Variants in ARHGEF40 observed in about 807,000 individuals in gnomAD.
ARHGEF40 encodes Rho guanine nucleotide exchange factor (GEF) 40.
ARHGEF40 carries 98 observed loss-of-function variants against 165.9 expected under a neutral mutation model. The observed-to-expected ratio is 0.59, with a 90% CI of 0.50 to 0.70. The LOEUF (loss-of-function observed/expected upper bound fraction) is 0.70. Ranked by LOEUF, ARHGEF40 falls within the 30% of genes least tolerant of loss-of-function variation. ARHGEF40 has a pLI of 0.00. For missense variants in ARHGEF40, 1,815 were observed against 1,968.0 expected, an observed-to-expected ratio of 0.92 and a Z score of 1.47; for synonymous variants, 792 against 814.3, an observed-to-expected ratio of 0.97 and a Z score of 0.47.
chr14:21,079,821 G>A (rs1365154913), intron 11 of ARHGEF40, among the ~76,000 whole-genome samples: 1 of 152,086 alleles, frequency 6.6e-6, no homozygotes, highest in Non-Finnish European at 1.5e-5. Flanking sequence ...TTACCTGCTT[G>A]TTAGCTGTTT....
Position 21,073,541 on chromosome 14 carries a change from C to T in ARHGEF40, c.201+299C>T, listed in dbSNP as rs1411907227. On this transcript the variant is annotated intron_variant, in intron 2 of 23. Coordinates refer to ENST00000298694, the MANE Select transcript of ARHGEF40 (RefSeq NM_018071.5). The surrounding 1 kb of genome is among the most constrained non-coding windows in gnomAD (Gnocchi z 4.6). ...CTCCAGACCCAATTCCAGACATCTT[C>T]TCCCCCTCATATGAATTTCTCAAGA... Among the ~76,000 whole-genome samples, 5 of 152,052 alleles carry T rather than the reference C, an allele frequency of 3.3e-5. No individual in the cohort carries two copies. Among genetic ancestry groups the T allele is most frequent in the Admixed American group, 2.6e-4 (4 of 15,258 alleles).
chr14:21,080,199 GACACACACACACACACACACACACAC>G (rs71112543), intron 11 of ARHGEF40, among the ~76,000 whole-genome samples: 2,954 of 135,402 alleles, frequency 0.022, 34 homozygotes, highest in African/African-American at 0.035. Context: ...ATTAAAGCCG[GACACACACACACACACACACACACAC>G]ACACACACAC....
chr14:21,088,167 T>C, intron 22 of ARHGEF40, 69 bp downstream of exon 22: 3 of 1,527,094 alleles, frequency 2.0e-6, no homozygotes, highest in Non-Finnish European at 2.6e-6. Context: ...GCTTTTCTGA[T>C]CATTCAACCC....
chr14:21,078,060 G>A, intron 8 of ARHGEF40, 117 bp from the exon 9 acceptor site: 1 of 860,624 alleles, frequency 1.2e-6, no homozygotes, highest in South Asian at 2.0e-5. Flanking sequence ...ACAAAGTCAG[G>A]AACTGAATTC....
upstream of ARHGEF40, among the ~76,000 whole-genome samples, chr14:21,068,663 G>A (rs1294281344): frequency 1.3e-5 from 2 of 152,216 alleles, no homozygotes; most frequent in Non-Finnish European, 2.9e-5. Context: ...CCTCGTAATA[G>A]AGAACCTGGA....
chr14:21,070,600 A>T lies in ARHGEF40; in HGVS notation c.3+201A>T, dbSNP rs1886673350. Reference sequence around the variant, plus strand: ...TCTGTCCCCACCGGGTATTGCCCTCACCCTTTCTTCCTCCTCTCCTCCGCC... The same window carrying T: ...TCTGTCCCCACCGGGTATTGCCCTCTCCCTTTCTTCCTCCTCTCCTCCGCC... On this transcript the variant is annotated intron_variant, in intron 1 of 23. Coordinates refer to ENST00000298694, the MANE Select transcript of ARHGEF40 (RefSeq NM_018071.5). This position sits in a 1 kb window ranked among gnomAD's most constrained non-coding sequence, Gnocchi z 4.7. Among the ~76,000 whole-genome samples, 1 of 147,442 alleles carries T rather than the reference A, an allele frequency of 6.8e-6. No homozygotes were observed. The highest frequency in any genetic ancestry group is 2.5e-5 in the African/African-American group (1 of 39,362).
chr14:21,076,234 G>A (rs1175181530), intron 5 of ARHGEF40, 126 bp from the exon 6 acceptor site: 1 of 787,046 alleles, frequency 1.3e-6, no homozygotes. Context: ...CTTCCCAAAT[G>A]TACCGGCAAC....
Position 21,082,436 on chromosome 14 carries a change from C to T in ARHGEF40, c.3444C>T (p.Cys1148=), listed in dbSNP as rs770887038. ...RTHFLRELQG[C]ATHPLRIGAC... ...ACTTTCTGCGGGAGCTTCAGGGCTG[C>T]GCCACCCACCCCCTACGCATTGGGG... The change falls in exon 15 of 24, where the codon TGC becomes TGT. Residue 1148 remains cysteine, a synonymous_variant. Coordinates refer to ENST00000298694, the MANE Select transcript of ARHGEF40 (RefSeq NM_018071.5). The T allele has an allele frequency of 2.6e-5, 42 of 1,605,554 alleles. No homozygotes were observed. Among genetic ancestry groups the T allele is most frequent in the Non-Finnish European group, 3.3e-5 (39 of 1,175,022 alleles).
In ARHGEF40 at chr14:21,088,748, G is replaced by C; in HGVS notation, c.4519-82G>C. The C allele has an allele frequency of 2.8e-6, 4 of 1,437,690 alleles. 1 individual carries two copies. The Admixed American group carries it at 7.5e-5, about 27-fold the overall frequency. The allele number at this position is 1,437,690 out of a possible 1,614,324, so 89.1% of individuals were successfully genotyped here. A position where few individuals can be genotyped will look rare whatever the true frequency, so the allele number is the denominator to read the frequency against. ...GGTAGGAAAGAGAGGTGAATTGACAGGCTTGTGGGGAGGAATGGAGGAAAA... is the reference window on the plus strand; with the variant it reads ...GGTAGGAAAGAGAGGTGAATTGACACGCTTGTGGGGAGGAATGGAGGAAAA... On this transcript the variant is annotated intron_variant, in intron 22 of 23. Transcript: ENST00000298694.
chr14:21,087,170 G>A, intron 20 of ARHGEF40, 65 bp downstream of exon 20: 1 of 1,592,278 alleles, frequency 6.3e-7, no homozygotes, highest in Non-Finnish European at 8.6e-7. Context: ...GGATACAAAG[G>A]GGAGGTATGG....
In ARHGEF40 at chr14:21,074,084, A is replaced by C. The variant is rs1394379882; in HGVS notation, c.354A>C (p.Arg118=). 6.2e-7 allele frequency: 1 copy of C among 1,614,086 alleles called. No homozygotes were observed. The highest frequency in any genetic ancestry group is 8.5e-7 in the Non-Finnish European group (1 of 1,180,010). The change falls in exon 3 of 24, where the codon CGA becomes CGC. Residue 118 remains arginine, a synonymous_variant. Transcript: ENST00000298694. The surrounding 1 kb of genome is among the most constrained non-coding windows in gnomAD (Gnocchi z 4.8). ...TGCCCTCAGCTGCCCAAGCACCCCG[A>C]CTAGCACTCAAGTGTCTGGCCCCTG... ...QVVPSAAQAP[R]LALKCLAPGG...
Position 21,073,638 on chromosome 14 carries a change from T to C in ARHGEF40, c.202-294T>C, listed in dbSNP as rs2139210552. 6.6e-6 allele frequency among the ~76,000 whole-genome samples: 1 copy of C among 152,302 alleles called. No homozygotes were observed. ...AGATATAAAGACTCCTAAGAGTCTT[T>C]AGCTTCTCCAAGACAATGGCATCTG... On this transcript the variant is annotated intron_variant, in intron 2 of 23. Coordinates refer to ENST00000298694, the MANE Select transcript of ARHGEF40 (RefSeq NM_018071.5). The surrounding 1 kb of genome is among the most constrained non-coding windows in gnomAD (Gnocchi z 4.6).
intron 11 of ARHGEF40, 40 bp from the exon 12 acceptor site, chr14:21,080,620 C>T: frequency 6.3e-7 from 1 of 1,584,004 alleles, no homozygotes; most frequent in Non-Finnish European, 8.6e-7. Flanking sequence ...CTTGCCTTTC[C>T]ACTCCATGAC....
intron 6 of ARHGEF40, 53 bp from the exon 7 acceptor site, chr14:21,076,510 C>T: frequency 6.2e-7 from 1 of 1,612,774 alleles, no homozygotes; most frequent in African/African-American, 1.3e-5. Flanking sequence ...TCACCAGTGG[C>T]CAGTCCAGGA....
rs749754107 is a variant in ARHGEF40 at position 21,081,651 on chromosome 14, A to C, written c.2783A>C (p.Asp928Ala). The C allele has an allele frequency of 1.9e-6, 3 of 1,607,156 alleles. No individual in the cohort carries two copies. Among genetic ancestry groups the C allele is most frequent in the Admixed American group, 3.4e-5 (2 of 59,086 alleles). The change falls in exon 14 of 24, where the codon GAC (aspartate) becomes GCC (alanine). Residue 928 changes from aspartate (D) to alanine (A), a missense_variant. Physicochemically the swap from Asp to Ala is moderately radical, Grantham distance 126. Transcript: ENST00000298694. ...TFQEMRALAL[D>A]LGSPAALREW... ...CAGGAGATGCGGGCCCTGGCCCTGG[A>C]CCTGGGCAGCCCAGCAGCCCTGCGA...
chr14:21,071,865 C>T (rs1886930775), intron 1 of ARHGEF40, among the ~76,000 whole-genome samples: 1 of 152,214 alleles, frequency 6.6e-6, no homozygotes, highest in Admixed American at 6.5e-5. Flanking sequence ...CGGGTCTGCG[C>T]GCTGACGCAC....
At chr14:21,069,929 C>T (rs1238565250), upstream of ARHGEF40, among the ~76,000 whole-genome samples, 1 of 152,240 alleles carries the variant, frequency 6.6e-6, no homozygotes, top group Non-Finnish European at 1.5e-5. Context: ...AATTCACGCA[C>T]GCCCCAGCCT....
chr14:21,070,341 G>T lies in ARHGEF40; in HGVS notation c.-56G>T. The T allele has an allele frequency of 7.1e-7, 1 of 1,402,178 alleles. No homozygotes were observed. Among genetic ancestry groups the T allele is most frequent in the Non-Finnish European group, 9.2e-7 (1 of 1,082,928 alleles). The allele number at this position is 1,402,178 out of a possible 1,614,324, so 86.9% of individuals were successfully genotyped here. On this transcript the variant is annotated 5_prime_UTR_variant, in exon 1 of 24. Coordinates refer to ENST00000298694, the MANE Select transcript of ARHGEF40 (RefSeq NM_018071.5). This position sits in a 1 kb window ranked among gnomAD's most constrained non-coding sequence, Gnocchi z 4.7. Reference sequence around the variant, plus strand: ...ACACGAGCGGCGGGAGGGAGGCGGTGGCGCGCCCGGCCCCGCCCGCCCGAC... The same window carrying T: ...ACACGAGCGGCGGGAGGGAGGCGGTTGCGCGCCCGGCCCCGCCCGCCCGAC...
At chr14:21,062,948 TAA>T in the ARHGEF40 span, among the ~76,000 whole-genome samples, 453 of 128,062 alleles carry the variant, frequency 3.5e-3, 2 homozygotes, top group Middle Eastern at 0.022. Flanking sequence ...ACCTTGTCTC[TAA>T]AAAAAAAAAA....
Sources: gnomAD v4.1 joint callset for allele counts (sites outside exome capture counted in the v4.1 genomes callset) on GRCh38, gnomAD v4.1.1 for gene constraint, Gnocchi (gnomAD v3.1) non-coding constraint, MANE v1.5 for transcripts, NCBI Gene and HGNC (gene_info 2026-07-23, HGNC 2026-07-21) for gene names.